Variants in RAB11FIP1 observed in about 807,000 individuals in gnomAD.
RAB11FIP1 encodes RAB11 family interacting protein 1.
In RAB11FIP1, 49 loss-of-function variants were observed where a neutral mutation model predicts 83.1. The ratio of observed to expected loss-of-function variants is 0.59; its 90% CI spans 0.47 to 0.75. The LOEUF (loss-of-function observed/expected upper bound fraction) is 0.75, where lower values mean the gene tolerates loss of function less well. Among genes scored for constraint, RAB11FIP1 ranks in the 30% least tolerant of loss-of-function variants. The pLI, the probability that RAB11FIP1 is intolerant of heterozygous loss-of-function variation, is 0.00. For synonymous variants in RAB11FIP1, 670 were observed against 656.0 expected, an observed-to-expected ratio of 1.02 and a Z score of -0.33; for missense variants, 1,536 against 1,598.7, an observed-to-expected ratio of 0.96 and a Z score of 0.67.
At position 37,873,069 on chromosome 8, in the gene RAB11FIP1, GA is replaced by G; in HGVS notation, c.1732del (p.Ser578LeufsTer25). On this transcript the variant is annotated frameshift_variant, in exon 4 of 6. Transcript: ENST00000330843. LOFTEE classifies it high-confidence loss of function. ...TGTGTCTGCACCATGTCCCAATTCA[GA>G]GGGGACAGATGCCTGGCCAGAGCTA... Reference protein sequence around the residue: ...PSSSGQASVPSELGHGADTQS... With the variant: ...PSSSGQASVPXELGHGADTQS... 1 of 1,614,118 alleles carries G rather than the reference GA, an allele frequency of 6.2e-7. No homozygotes were observed. The highest frequency in any genetic ancestry group is 2.2e-5 in the East Asian group (1 of 44,870).
At chr8:37,865,762 A>G (rs1320690821) in intron 5 of RAB11FIP1, among the ~76,000 whole-genome samples, 1 of 152,224 alleles carries the variant, frequency 6.6e-6, no homozygotes, top group Non-Finnish European at 1.5e-5. Context: ...TTAAAATCTC[A>G]TTATATTTTA....
intron 1 of RAB11FIP1, among the ~76,000 whole-genome samples, chr8:37,888,593 C>G (rs1399811266): frequency 6.6e-6 from 1 of 151,952 alleles, no homozygotes. Context: ...ATCCTCCCAC[C>G]TTAGCCTACA....
At position 37,862,905 on chromosome 8, in the gene RAB11FIP1, C is replaced by T; in HGVS notation, c.3842G>A (p.Gly1281Glu). The T allele has an allele frequency of 5.6e-6, 9 of 1,609,826 alleles. No homozygotes were observed. The highest frequency in any genetic ancestry group is 7.6e-6 in the Non-Finnish European group (9 of 1,177,042). ...TTTTTTTCTGCTGATTTACATCTTTCCTGCTTTTTTGCCAACCTGAGTCGG... is the reference window on the plus strand; with the variant it reads ...TTTTTTTCTGCTGATTTACATCTTTTCTGCTTTTTTGCCAACCTGAGTCGG... ...RIPTQVGKKA[G>E]KM Residue 1281 changes from glycine (G) to glutamate (E), a missense_variant, in exon 6 of 6, where the codon GGA becomes GAA. Coordinates refer to ENST00000330843, the MANE Select transcript of RAB11FIP1 (RefSeq NM_001002814.3).
intron 1 of RAB11FIP1, among the ~76,000 whole-genome samples, chr8:37,892,886 C>A (rs554706080): frequency 3.7e-4 from 56 of 152,110 alleles, no homozygotes; most frequent in Non-Finnish European, 5.3e-4. Context: ...TACTCCTCCA[C>A]CAGGCCCCCT....
chr8:37,868,536 T>C (rs1806387659), intron 5 of RAB11FIP1, among the ~76,000 whole-genome samples: 1 of 152,210 alleles, frequency 6.6e-6, no homozygotes, highest in Non-Finnish European at 1.5e-5. Flanking sequence ...CAAAGTTTAT[T>C]TCTATAGACT....
rs1242621527 is a variant in RAB11FIP1, at chr8:37,876,262, G to GAAGGAAGGAAGA, written c.814+846_814+847insTCTTCCTTCCTT. Among the ~76,000 whole-genome samples, 178 of 138,244 alleles carry GAAGGAAGGAAGA rather than the reference G, an allele frequency of 1.3e-3. 1 individual carries two copies. Among genetic ancestry groups the GAAGGAAGGAAGA allele is most frequent in the African/African-American group, 5.0e-3 (167 of 33,306 alleles). 90.7% of individuals were successfully genotyped at this position (138,244 alleles called of 152,430 possible). ...GGAAGGAAGGAAGGAAGGAAGGAAGGAAGAAAGAAGGAAAGAAACCAGAGG... is the reference window on the plus strand; with the variant it reads ...GGAAGGAAGGAAGGAAGGAAGGAAGGAAGGAAGGAAGAAAGAAAGAAGGAAAGAAACCAGAGG... On this transcript the variant is annotated intron_variant, in intron 2 of 5. Coordinates refer to ENST00000330843, the MANE Select transcript of RAB11FIP1 (RefSeq NM_001002814.3).
intron 1 of RAB11FIP1, among the ~76,000 whole-genome samples, chr8:37,897,775 G>A (rs1160313362): frequency 1.3e-5 from 2 of 152,000 alleles, no homozygotes; most frequent in Non-Finnish European, 2.9e-5. Flanking sequence ...ACTAACATGG[G>A]GCCCAGGGCA....
At chr8:37,895,218 A>ATATATATAT (rs1807040291) in intron 1 of RAB11FIP1, among the ~76,000 whole-genome samples, 1 of 13,706 alleles carries the variant, frequency 7.3e-5, no homozygotes, top group African/African-American at 2.1e-4. Context: ...GGTGCCTGCC[A>ATATATATAT]ATATATATAT....
chr8:37,878,259 G>A (rs952275739), intron 1 of RAB11FIP1: 4 of 151,930 alleles, frequency 2.6e-5, no homozygotes, highest in Non-Finnish European at 5.9e-5. Flanking sequence ...ATCAGGGCAG[G>A]TGCGGTGGCT....
intron 2 of RAB11FIP1, 86 bp downstream of exon 2, chr8:37,877,023 C>G: frequency 1.0e-6 from 1 of 1,001,722 alleles, no homozygotes; most frequent in Non-Finnish European, 1.5e-6. Flanking sequence ...AACTCTTTCT[C>G]TTGAGATTTG....
chr8:37,871,906 C>A lies in RAB11FIP1; in HGVS notation c.2896G>T (p.Ala966Ser), dbSNP rs375424635. The A allele has an allele frequency of 1.9e-6, 3 of 1,614,168 alleles. No homozygotes were observed. Among genetic ancestry groups the A allele is most frequent in the South Asian group, 2.2e-5 (2 of 91,080 alleles). Residue 966 changes from alanine to serine, a missense_variant, in exon 4 of 6, where the codon GCA becomes TCA. Physicochemically the swap from Ala to Ser is moderately conservative, Grantham distance 99 (BLOSUM62 1). Transcript: ENST00000330843. ...TGATCTATTCTTTCATCATCCGATG[C>A]GACTTCAGGAATGGAAGGAAGGCTT... ...NLSLPSIPEV[A>S]SDDERIDQVE... is the part of the protein sequence containing the mutation.
intron 1 of RAB11FIP1, among the ~76,000 whole-genome samples, chr8:37,879,224 C>A (rs1806686938): frequency 1.3e-5 from 2 of 152,220 alleles, no homozygotes; most frequent in Admixed American, 1.3e-4. Context: ...AGGAGAATTG[C>A]TTGAACCCGG....
intron 1 of RAB11FIP1, among the ~76,000 whole-genome samples, chr8:37,883,782 A>T (rs1344493978): frequency 6.6e-6 from 1 of 152,200 alleles, no homozygotes; most frequent in African/African-American, 2.4e-5. Flanking sequence ...TTCCAGTATT[A>T]TCTTTCACGT....
At chr8:37,894,566 G>C (rs1203976351) in intron 1 of RAB11FIP1, among the ~76,000 whole-genome samples, 1 of 151,864 alleles carries the variant, frequency 6.6e-6, no homozygotes, top group African/African-American at 2.4e-5. Context: ...ATGGTGTTTA[G>C]TTACACAACA....
At chr8:37,891,894 C>T (rs772111318) in intron 1 of RAB11FIP1, among the ~76,000 whole-genome samples, 1 of 152,146 alleles carries the variant, frequency 6.6e-6, no homozygotes, top group African/African-American at 2.4e-5. Flanking sequence ...AAAGACTTGG[C>T]GGTACTGAGT....
rs1806881058 is a variant in RAB11FIP1 at position 37,888,564 on chromosome 8, A to T, written c.371+10507T>A. Among the ~76,000 whole-genome samples the T allele has an allele frequency of 2.0e-5, 3 of 151,854 alleles. No homozygotes were observed. The South Asian group carries it at 6.2e-4, about 32-fold the overall frequency. On this transcript the variant is annotated intron_variant, in intron 1 of 5. Coordinates refer to ENST00000330843, the MANE Select transcript of RAB11FIP1 (RefSeq NM_001002814.3). ...TGCCATCACGGCTCACTGCAGTCTC[A>T]ACTTCCCAGGCTCAAGCAATCCTCC... is the stretch of plus-strand genomic sequence containing the variant.
intron 1 of RAB11FIP1, among the ~76,000 whole-genome samples, chr8:37,881,686 G>A (rs569920489): frequency 2.0e-5 from 3 of 152,160 alleles, no homozygotes; most frequent in South Asian, 2.1e-4. Flanking sequence ...GTTGCAAGAC[G>A]CAAGGTCTTT....
At position 37,862,600 on chromosome 8, in the gene RAB11FIP1, A is replaced by C. The variant is rs370902261; in HGVS notation, c.*295T>G. 3.5e-6 allele frequency: 1 copy of C among 284,934 alleles called. No individual in the cohort carries two copies. 17.7% of individuals were successfully genotyped at this position (284,934 alleles called of 1,614,324 possible). On this transcript the variant is annotated 3_prime_UTR_variant, in exon 6 of 6. Transcript: ENST00000330843. ...ACATGAATACTTCCTGTGCCATCTG[A>C]ATCTCTGGCTCAGGATCAGATCTTA... is the stretch of plus-strand genomic sequence containing the variant.
intron 1 of RAB11FIP1, among the ~76,000 whole-genome samples, chr8:37,890,536 A>G (rs575467594): frequency 6.6e-6 from 1 of 152,288 alleles, no homozygotes; most frequent in Admixed American, 6.5e-5. Context: ...ACAGATTATC[A>G]ACAATCGTCT....
Sources: gnomAD v4.1 joint callset for allele counts (sites outside exome capture counted in the v4.1 genomes callset) on GRCh38, gnomAD v4.1.1 for gene constraint, MANE v1.5 for transcripts, NCBI Gene and HGNC (gene_info 2026-07-23, HGNC 2026-07-21) for gene names.